Variants in HSF2BP observed in about 807,000 individuals in gnomAD.
HSF2BP encodes the protein heat shock transcription factor 2 binding protein.
HSF2BP carries 35 observed loss-of-function variants against 35.0 expected under a neutral mutation model. The ratio of observed to expected loss-of-function variants is 1.00; its 90% CI spans 0.76 to 1.32. The LOEUF is 1.32. Ranked by LOEUF, HSF2BP falls within the 40% of genes most tolerant of loss-of-function variation. The pLI, the probability that HSF2BP is intolerant of heterozygous loss-of-function variation, is 0.00. For missense variants in HSF2BP, 326 were observed against 321.7 expected (o/e 1.01, Z -0.10); for synonymous variants, 114 against 117.4 (o/e 0.97, Z 0.18).
chr21:43,579,619 G>C (rs78052497), intron 8 of HSF2BP, among the ~76,000 whole-genome samples: 5,948 of 152,172 alleles, frequency 0.039, 409 homozygotes, highest in African/African-American at 0.14. Flanking sequence ...CCCCAAAGCA[G>C]CATCAACCTT....
rs2082089291 is a variant in HSF2BP, at chr21:43,604,318, AAC to A, written c.692+9510_692+9511del. Among the ~76,000 whole-genome samples the A allele has an allele frequency of 2.4e-5, 3 of 122,842 alleles. No individual in the cohort carries two copies. In the South Asian group the frequency reaches 8.1e-4, roughly 33 times the overall value. The allele number at this position is 122,842 out of a possible 152,430, so 80.6% of individuals were successfully genotyped here. The stretch of plus-strand genomic sequence containing the variant: ...CCACACACACCATGCACAAACCACA[AAC>A]ACACCACACACACACACATCACGCA... On this transcript the variant is annotated intron_variant, in intron 7 of 8. Coordinates refer to ENST00000291560, the MANE Select transcript of HSF2BP (RefSeq NM_007031.2).
At chr21:43,643,478 T>C (rs1481001037) in intron 4 of HSF2BP, among the ~76,000 whole-genome samples, 1 of 152,116 alleles carries the variant, frequency 6.6e-6, no homozygotes. Context: ...TGAGAGCAGG[T>C]TGGTAAAGAG....
At chr21:43,497,410 TG>T in the HSF2BP span, among the ~76,000 whole-genome samples, 1 of 53,858 alleles carries the variant, frequency 1.9e-5, no homozygotes, top group Non-Finnish European at 3.7e-5. Flanking sequence ...CAGCCAGGCA[TG>T]GTGGCTCACA....
At chr21:43,574,653 A>C (rs958401560) in intron 8 of HSF2BP, among the ~76,000 whole-genome samples, 2 of 152,078 alleles carry the variant, frequency 1.3e-5, no homozygotes, top group South Asian at 4.2e-4. Context: ...CACTGCGCCC[A>C]GCCCTAAGCA....
chr21:43,611,011 T>C (rs1354765058), intron 7 of HSF2BP, among the ~76,000 whole-genome samples: 2 of 152,030 alleles, frequency 1.3e-5, no homozygotes, highest in African/African-American at 4.8e-5. Flanking sequence ...ATTTGTAAAA[T>C]TATACCCCCA....
At chr21:43,623,199 C>A (rs1382583368) in intron 6 of HSF2BP, among the ~76,000 whole-genome samples, 1 of 152,092 alleles carries the variant, frequency 6.6e-6, no homozygotes, top group African/African-American at 2.4e-5. Flanking sequence ...AAACAACATA[C>A]ACCTGAACAA....
chr21:43,605,555 T>C (rs2082124370), intron 7 of HSF2BP, among the ~76,000 whole-genome samples: 1 of 126,674 alleles, frequency 7.9e-6, no homozygotes, highest in African/African-American at 3.1e-5. Flanking sequence ...CCTCCACATG[T>C]ACATACACAC....
chr21:43,657,599 A>C (rs765492657), intron 2 of HSF2BP, among the ~76,000 whole-genome samples: 3 of 152,224 alleles, frequency 2.0e-5, no homozygotes, highest in Non-Finnish European at 4.4e-5. Context: ...TAACGGGTGG[A>C]AGCAGGATGT....
intron 7 of HSF2BP, among the ~76,000 whole-genome samples, chr21:43,604,493 CA>C (rs1568905078): frequency 1.4e-5 from 2 of 141,524 alleles, no homozygotes; most frequent in East Asian, 2.2e-4. Context: ...TACACACACA[CA>C]CCACACACTA....
intron 7 of HSF2BP, among the ~76,000 whole-genome samples, chr21:43,592,897 G>C (rs993603149): frequency 2.0e-5 from 3 of 152,180 alleles, no homozygotes; most frequent in African/African-American, 7.2e-5. Context: ...ACCGTGGCTG[G>C]CAATGCAGAG....
chr21:43,585,179 T>C (rs948052775), intron 8 of HSF2BP, among the ~76,000 whole-genome samples: 8 of 151,908 alleles, frequency 5.3e-5, no homozygotes, highest in African/African-American at 1.9e-4. Context: ...AGTATGGTGG[T>C]GCATGCCTGT....
intron 7 of HSF2BP, among the ~76,000 whole-genome samples, chr21:43,609,010 T>A (rs185223427): frequency 3.7e-4 from 56 of 152,042 alleles, no homozygotes; most frequent in African/African-American, 1.3e-3. Context: ...AGCAAAGACA[T>A]AGAATCAACC....
intron 6 of HSF2BP, among the ~76,000 whole-genome samples, chr21:43,625,349 A>C (rs1188868164): frequency 2.6e-5 from 4 of 152,112 alleles, no homozygotes; most frequent in Non-Finnish European, 5.9e-5. Flanking sequence ...AGGCAGCAAA[A>C]AAAATAAAAA....
intron 7 of HSF2BP, among the ~76,000 whole-genome samples, chr21:43,599,323 G>C (rs2082024009): frequency 6.6e-6 from 1 of 152,162 alleles, no homozygotes; most frequent in Non-Finnish European, 1.5e-5. Flanking sequence ...AAGACTTCTA[G>C]GTCACACAAG....
chr21:43,646,089 G>A (rs2082705010), intron 3 of HSF2BP, among the ~76,000 whole-genome samples: 1 of 151,382 alleles, frequency 6.6e-6, no homozygotes, highest in Admixed American at 6.6e-5. Flanking sequence ...AAGCTGAGGT[G>A]GGAGGATCAC....
At chr21:43,631,382 C>T (rs1221342700) in intron 5 of HSF2BP, among the ~76,000 whole-genome samples, 2 of 152,058 alleles carry the variant, frequency 1.3e-5, no homozygotes, top group African/African-American at 4.8e-5. Context: ...CCGGCCATCG[C>T]ATCTGCCTCA....
In HSF2BP at chr21:43,580,970, T is replaced by A. The variant is rs78932023; in HGVS notation, c.796+11255A>T. Among the ~76,000 whole-genome samples, 372 of 152,308 alleles carry A rather than the reference T, an allele frequency of 2.4e-3. 3 individuals carry two copies. The highest frequency in any genetic ancestry group is 8.7e-3 in the African/African-American group (361 of 41,556). On this transcript the variant is annotated intron_variant, in intron 8 of 8. Coordinates refer to ENST00000291560, the MANE Select transcript of HSF2BP (RefSeq NM_007031.2). The stretch of plus-strand genomic sequence containing the variant: ...CGTGATATAGCCAAATGCCAGACAC[T>A]GAAGGGAATCAGATGCCATATCAGA...
At chr21:43,612,453 C>A (rs779858169) in intron 7 of HSF2BP, among the ~76,000 whole-genome samples, 51 of 152,002 alleles carry the variant, frequency 3.4e-4, no homozygotes, top group Middle Eastern at 3.4e-3. Context: ...AGATTGAGAC[C>A]ATCCTGGCTA....
chr21:43,644,880 G>C (rs955657226), intron 3 of HSF2BP, among the ~76,000 whole-genome samples: 2 of 152,110 alleles, frequency 1.3e-5, no homozygotes, highest in Non-Finnish European at 2.9e-5. Flanking sequence ...AGGAGGGAAA[G>C]AACAGTGATA....
Sources: allele counts gnomAD v4.1 joint callset (sites outside exome capture counted in the v4.1 genomes callset), GRCh38; gene constraint gnomAD v4.1.1; transcripts MANE v1.5; gene names NCBI Gene and HGNC (gene_info 2026-07-23, HGNC 2026-07-21).